Variants in PRELID2 observed in about 807,000 individuals in gnomAD.
The protein encoded by PRELID2 is PRELI domain containing 2.
In PRELID2, 25 loss-of-function variants were observed where a neutral mutation model predicts 28.4. The ratio of observed to expected loss-of-function variants is 0.88; its 90% confidence interval spans 0.64 to 1.23. The LOEUF is 1.23. Among genes scored for constraint, PRELID2 ranks in the 50% most tolerant of loss-of-function variants. The pLI is 0.00. For synonymous variants in PRELID2, 76 were observed against 71.6 expected (o/e 1.06, Z -0.31); for missense variants, 201 against 214.4 (o/e 0.94, Z 0.39).
At chr5:145,815,374 A>G (rs967491535) in intron 4 of PRELID2, among the ~76,000 whole-genome samples, 2 of 152,232 alleles carry the variant, frequency 1.3e-5, no homozygotes, top group African/African-American at 4.8e-5. Context: ...AAAAGTATGC[A>G]TGTCCTGAGA....
intron 1 of PRELID2, among the ~76,000 whole-genome samples, chr5:145,506,541 C>T (rs781083901): frequency 2.0e-5 from 3 of 152,162 alleles, no homozygotes; most frequent in East Asian, 3.9e-4. Flanking sequence ...TTTCATTGTG[C>T]GTAATAGGAG....
intron 1 of PRELID2, among the ~76,000 whole-genome samples, chr5:145,507,504 T>C (rs13158210): frequency 0.24 from 36,946 of 151,978 alleles, 4,636 homozygotes; most frequent in South Asian, 0.38. Context: ...TCAGAAGGGA[T>C]ATGTGTTTTC....
the PRELID2 span, among the ~76,000 whole-genome samples, chr5:145,334,541 T>A: frequency 1.3e-5 from 2 of 152,206 alleles, no homozygotes; most frequent in Admixed American, 1.3e-4. Context: ...AATATCCTGA[T>A]GATTATTCTG....
At chr5:145,490,413 G>T (rs970033172) in intron 1 of PRELID2, among the ~76,000 whole-genome samples, 1 of 152,098 alleles carries the variant, frequency 6.6e-6, no homozygotes, top group East Asian at 1.9e-4. Flanking sequence ...TGGATGTATT[G>T]ATTACTTCTT....
chr5:145,661,183 A>C (rs1029282033), intron 1 of PRELID2, among the ~76,000 whole-genome samples: 13 of 152,056 alleles, frequency 8.5e-5, no homozygotes. Context: ...GGTACAAAAC[A>C]CTCTAGAATA....
At chr5:145,411,184 A>C in the PRELID2 span, among the ~76,000 whole-genome samples, 2 of 152,226 alleles carry the variant, frequency 1.3e-5, no homozygotes, top group African/African-American at 2.4e-5. Flanking sequence ...GAAGCCTGAC[A>C]ATCATGACAG....
At chr5:145,458,273 A>T in the PRELID2 span, among the ~76,000 whole-genome samples, 3 of 152,236 alleles carry the variant, frequency 2.0e-5, no homozygotes, top group Admixed American at 6.5e-5. Context: ...GTAACTGGTC[A>T]ACAATGAGAA....
chr5:145,673,539 G>A (rs956566088), intron 1 of PRELID2, among the ~76,000 whole-genome samples: 1 of 151,992 alleles, frequency 6.6e-6, no homozygotes, highest in Non-Finnish European at 1.5e-5. Context: ...AAACATTATT[G>A]ATGTACACAC....
chr5:145,690,054 A>G, intron 1 of PRELID2, among the ~76,000 whole-genome samples: 1 of 148,336 alleles, frequency 6.7e-6, no homozygotes, highest in Middle Eastern at 3.4e-3. Context: ...CAATGGTGCA[A>G]TCTCCACTCA....
chr5:145,834,887 C>A, intron 1 of PRELID2: 1 of 357,496 alleles, frequency 2.8e-6, no homozygotes, highest in Middle Eastern at 7.4e-4. Context: ...CGTCGGTCAT[C>A]TGCAACTCCA....
intron 1 of PRELID2, among the ~76,000 whole-genome samples, chr5:145,610,910 T>C (rs1382294614): frequency 6.6e-6 from 1 of 151,036 alleles, no homozygotes; most frequent in Non-Finnish European, 1.5e-5. Context: ...TCTCATATAA[T>C]GTATTTAGCA....
chr5:145,415,122 C>T, the PRELID2 span, among the ~76,000 whole-genome samples: 1 of 152,066 alleles, frequency 6.6e-6, no homozygotes, highest in African/African-American at 2.4e-5. Flanking sequence ...TGCAAAAGAA[C>T]TGAAATACTA....
the PRELID2 span, among the ~76,000 whole-genome samples, chr5:145,462,668 A>C: frequency 6.6e-6 from 1 of 152,240 alleles, no homozygotes. Context: ...CACTGGCAGG[A>C]GATCAGGGCT....
chr5:145,670,759 C>A (rs1452306012), intron 1 of PRELID2, among the ~76,000 whole-genome samples: 1 of 152,154 alleles, frequency 6.6e-6, no homozygotes, highest in Non-Finnish European at 1.5e-5. Flanking sequence ...AGGAGTTGGA[C>A]TCACCTCCAG....
At chr5:145,507,171 CTCAGCATATTTTCAGTTATTCTTTG>C (rs1421848442) in intron 1 of PRELID2, among the ~76,000 whole-genome samples, 1 of 152,032 alleles carries the variant, frequency 6.6e-6, no homozygotes, top group African/African-American at 2.4e-5. Flanking sequence ...ATGTTAGTCC[CTCAGCATATTTTCAGTTATTCTTTG>C]TCAAATATAA....
intron 1 of PRELID2, among the ~76,000 whole-genome samples, chr5:145,623,099 T>G (rs550289565): frequency 6.6e-6 from 1 of 151,918 alleles, no homozygotes; most frequent in East Asian, 1.9e-4. Context: ...AATAATAAGA[T>G]AGTTTGGTGG....
the PRELID2 span, among the ~76,000 whole-genome samples, chr5:145,409,263 C>G: frequency 6.6e-6 from 1 of 152,088 alleles, no homozygotes. Flanking sequence ...AAAATAGAAC[C>G]TCCTTAAAGC....
chr5:145,362,418 C>T, the PRELID2 span, among the ~76,000 whole-genome samples: 1 of 152,118 alleles, frequency 6.6e-6, no homozygotes, highest in Admixed American at 6.6e-5. Flanking sequence ...CATGCTCATA[C>T]CACCATCACA....
At chr5:145,457,604 T>G in the PRELID2 span, among the ~76,000 whole-genome samples, 1 of 152,232 alleles carries the variant, frequency 6.6e-6, no homozygotes, top group Non-Finnish European at 1.5e-5. Flanking sequence ...GCTGGTGACC[T>G]GATGGGCTAG....
Sources: gnomAD v4.1 joint callset for allele counts (sites outside exome capture counted in the v4.1 genomes callset) on GRCh38, gnomAD v4.1.1 for gene constraint, MANE v1.5 for transcripts, NCBI Gene and HGNC (gene_info 2026-07-23, HGNC 2026-07-21) for gene names.